Variants in KHDRBS3 observed in about 807,000 individuals in gnomAD.
KHDRBS3 encodes the protein KH RNA binding domain containing, signal transduction associated 3.
KHDRBS3 carries 23 observed loss-of-function variants against 45.6 expected under a neutral mutation model. That is an observed-to-expected ratio of 0.50 (90% CI 0.36 to 0.72). The LOEUF (loss-of-function observed/expected upper bound fraction) is 0.72. Ranked by LOEUF, KHDRBS3 falls within the 30% of genes least tolerant of loss-of-function variation. The pLI is 0.00. For synonymous variants in KHDRBS3, 162 were observed against 156.5 expected (o/e 1.04, Z -0.26); for missense variants, 352 against 424.8 (o/e 0.83, Z 1.51).
chr8:135,556,124 C>G (rs528987492), intron 4 of KHDRBS3, among the ~76,000 whole-genome samples: 65 of 152,278 alleles, frequency 4.3e-4, no homozygotes, highest in African/African-American at 1.5e-3. Flanking sequence ...TTTTCTTAAT[C>G]CAGTCTATCA....
At chr8:135,598,946 ATCAC>A (rs1427400507) in intron 6 of KHDRBS3, among the ~76,000 whole-genome samples, 2 of 152,248 alleles carry the variant, frequency 1.3e-5, no homozygotes, top group African/African-American at 4.8e-5. Flanking sequence ...TATTTTAAAA[ATCAC>A]TCTTTTGTAA....
At chr8:135,498,828 C>T (rs141905327) in intron 1 of KHDRBS3, among the ~76,000 whole-genome samples, 47 of 152,144 alleles carry the variant, frequency 3.1e-4, no homozygotes, top group African/African-American at 1.0e-3. Flanking sequence ...GATCTGGTCC[C>T]CATGCGCACA....
chr8:135,568,536 G>A (rs1250697886), intron 5 of KHDRBS3, among the ~76,000 whole-genome samples: 1 of 152,156 alleles, frequency 6.6e-6, no homozygotes, highest in East Asian at 1.9e-4. Flanking sequence ...CGAGAATAAT[G>A]CATTATAAAA....
chr8:135,464,863 C>A (rs930105582), intron 1 of KHDRBS3, among the ~76,000 whole-genome samples: 1 of 152,182 alleles, frequency 6.6e-6, no homozygotes, highest in African/African-American at 2.4e-5. Flanking sequence ...TCTTTGTCTG[C>A]CCAACACTAT....
chr8:135,540,817 T>C (rs1324801666), intron 2 of KHDRBS3: 2 of 152,208 alleles, frequency 1.3e-5, no homozygotes, highest in Admixed American at 6.5e-5. Context: ...CCAAGTCCCA[T>C]GTATGAAAAC....
intron 2 of KHDRBS3, among the ~76,000 whole-genome samples, chr8:135,536,241 T>TTG (rs1355028596): frequency 3.6e-5 from 4 of 110,198 alleles, no homozygotes; most frequent in African/African-American, 2.6e-4. Flanking sequence ...CCAGTTTTTT[T>TTG]TTTTTTTTTT....
chr8:135,620,070 CTT>C (rs750819164), intron 7 of KHDRBS3, among the ~76,000 whole-genome samples: 52 of 136,736 alleles, frequency 3.8e-4, no homozygotes, highest in Non-Finnish European at 4.5e-4. Context: ...TTAGCAAGGC[CTT>C]TTTTTTTTTT....
At chr8:135,485,531 A>G (rs1252470602) in intron 1 of KHDRBS3, among the ~76,000 whole-genome samples, 3 of 152,066 alleles carry the variant, frequency 2.0e-5, no homozygotes, top group Non-Finnish European at 4.4e-5. Context: ...TTTCCTGGAT[A>G]TTCATTTTTC....
intron 4 of KHDRBS3, among the ~76,000 whole-genome samples, chr8:135,655,955 T>A (rs138678644): frequency 3.9e-5 from 6 of 152,354 alleles, no homozygotes; most frequent in African/African-American, 1.4e-4. Flanking sequence ...AAACAAGGCA[T>A]TGCCATGCTG....
intron 1 of KHDRBS3, among the ~76,000 whole-genome samples, chr8:135,501,949 C>G (rs992188666): frequency 4.6e-5 from 7 of 152,100 alleles, no homozygotes; most frequent in South Asian, 2.1e-4. Flanking sequence ...ATTATTGAAG[C>G]CTTTTAATTT....
chr8:135,650,299 T>C (rs1831403150), downstream of KHDRBS3, among the ~76,000 whole-genome samples: 1 of 152,196 alleles, frequency 6.6e-6, no homozygotes, highest in Non-Finnish European at 1.5e-5. Context: ...CCTTCAGAAC[T>C]CAGCCCCATG....
At chr8:135,552,457 T>A (rs1826654216) in intron 4 of KHDRBS3, among the ~76,000 whole-genome samples, 1 of 152,164 alleles carries the variant, frequency 6.6e-6, no homozygotes, top group African/African-American at 2.4e-5. Flanking sequence ...TTTGTTGCAA[T>A]TCCAACATCT....
intron 1 of KHDRBS3, among the ~76,000 whole-genome samples, chr8:135,466,401 CTTATA>C (rs774295881): frequency 3.1e-4 from 47 of 152,224 alleles, no homozygotes; most frequent in Middle Eastern, 3.4e-3. Context: ...ACAAAGCTAA[CTTATA>C]TTATAGGGAT....
chr8:135,463,670 A>G (rs1821545827), intron 1 of KHDRBS3, among the ~76,000 whole-genome samples: 1 of 152,204 alleles, frequency 6.6e-6, no homozygotes, highest in Non-Finnish European at 1.5e-5. Flanking sequence ...GTCACATGCC[A>G]AATAAGGTTT....
chr8:135,472,505 A>G (rs945134837), intron 1 of KHDRBS3, among the ~76,000 whole-genome samples: 3 of 149,682 alleles, frequency 2.0e-5, no homozygotes, highest in African/African-American at 5.0e-5. Context: ...TGTTGAATGA[A>G]TGACGTATGT....
chr8:135,500,644 A>G (rs1351250760), intron 1 of KHDRBS3, among the ~76,000 whole-genome samples: 1 of 152,230 alleles, frequency 6.6e-6, no homozygotes, highest in Non-Finnish European at 1.5e-5. Flanking sequence ...GGTTTAGTTA[A>G]GGTCACTCAA....
chr8:135,615,015 A>C (rs542968713), intron 7 of KHDRBS3, among the ~76,000 whole-genome samples: 2 of 151,904 alleles, frequency 1.3e-5, no homozygotes, highest in Admixed American at 1.3e-4. Flanking sequence ...AACTGACCTA[A>C]CAGGATTCTT....
At chr8:135,619,013 CATT>C (rs1830031298) in intron 7 of KHDRBS3, among the ~76,000 whole-genome samples, 1 of 152,224 alleles carries the variant, frequency 6.6e-6, no homozygotes, top group Non-Finnish European at 1.5e-5. Flanking sequence ...CATATCTGCT[CATT>C]TTCTGTGCAG....
At chr8:135,500,908 G>C (rs1396265020) in intron 1 of KHDRBS3, among the ~76,000 whole-genome samples, 3 of 152,168 alleles carry the variant, frequency 2.0e-5, no homozygotes, top group Admixed American at 2.0e-4. Context: ...TATCGTGCTT[G>C]AATTAAATAT....
Sources: allele counts gnomAD v4.1 joint callset (sites outside exome capture counted in the v4.1 genomes callset), GRCh38; gene constraint gnomAD v4.1.1; transcripts MANE v1.5; gene names NCBI Gene and HGNC (gene_info 2026-07-23, HGNC 2026-07-21).